The following KLRC4 variants were observed in gnomAD, a reference collection of about 807,000 sequenced individuals.
The protein encoded by KLRC4 is killer cell lectin like receptor C4, also known as NKG2-F type II integral membrane protein.
In KLRC4, 6 loss-of-function variants were observed where a neutral mutation model predicts 14.3. The observed-to-expected ratio is 0.42, with a 90% CI of 0.23 to 0.83. The LOEUF (loss-of-function observed/expected upper bound fraction) is 0.83. KLRC4 is among the 40% of genes least tolerant of loss of function. The pLI is 0.29. For synonymous variants in KLRC4, 53 were observed against 60.5 expected (o/e 0.88, Z 0.57); for missense variants, 158 against 179.4 (o/e 0.88, Z 0.68).
intron 2 of KLRC4, 47 bp from the exon 3 acceptor site, chr12:10,408,429 T>C: frequency 3.3e-6 from 3 of 906,178 alleles, no homozygotes; most frequent in Non-Finnish European, 5.2e-6. Flanking sequence ...CTAGACAAAT[T>C]ATAATAAATT....
At position 10,407,665 on chromosome 12, in the gene KLRC4, G is replaced by C. The variant is rs1310311704; in HGVS notation, c.465C>G (p.Ile155Met). The change falls in exon 4 of 4, where the codon ATC (isoleucine) becomes ATG (methionine). Residue 155 changes from isoleucine (I) to methionine (M), a missense_variant. Physicochemically the swap from Ile to Met is conservative, Grantham distance 10. Coordinates refer to ENST00000309384, the MANE Select transcript of KLRC4 (RefSeq NM_013431.2). ...TCTTCCTCATTATCTATAGAAAGCA[G>C]ATCAGAGTTCTTCGAAGCACAGGCC... ...VCWPVLRRTL[I>M]CFL 1.9e-6 allele frequency: 3 copies of C among 1,613,492 alleles called. No individual in the cohort carries two copies. In the African/African-American group the frequency reaches 4.0e-5, roughly 22 times the overall value.
Position 10,408,856 on chromosome 12 carries a change from C to T in KLRC4, c.286+56G>A, listed in dbSNP as rs80321932. The stretch of plus-strand genomic sequence containing the variant: ...CTCATTATTATGAAATGTTTCAAGG[C>T]GCTTCCAATCATTATAGTGAAAAGT... On this transcript the variant is annotated intron_variant, in intron 2 of 3. Transcript: ENST00000309384. The T allele has an allele frequency of 2.6e-3, 4,190 of 1,600,772 alleles. 89 individuals carry two copies. The African/African-American group carries it at 0.05, about 19-fold the overall frequency.
chr12:10,408,518 AAAT>A (rs1863535587), intron 2 of KLRC4, 136 bp from the exon 3 acceptor site: 2 of 572,246 alleles, frequency 3.5e-6, no homozygotes, highest in East Asian at 3.2e-5. Context: ...TTTTCTATAA[AAAT>A]AATGAGATCT....
intron 2 of KLRC4, 123 bp from the exon 3 acceptor site, chr12:10,408,505 G>T: frequency 1.7e-6 from 1 of 590,310 alleles, no homozygotes; most frequent in Non-Finnish European, 2.9e-6. Flanking sequence ...AAATAAAAAT[G>T]ACTTTTCTAT....
intron 3 of KLRC4, 139 bp downstream of exon 3, chr12:10,408,190 C>A (rs1251709349): frequency 5.0e-6 from 3 of 597,794 alleles, no homozygotes; most frequent in Non-Finnish European, 8.8e-6. Flanking sequence ...GACATGCCCT[C>A]ATATAATCTT....
Position 10,407,424 on chromosome 12 carries a change from A to G in KLRC4, c.*229T>C, listed in dbSNP as rs973801192. The G allele has an allele frequency of 2.2e-5, 10 of 456,672 alleles. No individual in the cohort carries two copies. The highest frequency in any genetic ancestry group is 8.5e-5 in the South Asian group (2 of 23,530). 28.3% of individuals were successfully genotyped at this position (456,672 alleles called of 1,614,324 possible). A position where few individuals can be genotyped will look rare whatever the true frequency, so the allele number is the denominator to read the frequency against. On this transcript the variant is annotated 3_prime_UTR_variant, in exon 4 of 4. Transcript: ENST00000309384. ...TTTATTTTGTGATAAAAACATTTAT[A>G]GAAGCATGGGTTTCCATGAAAAGCA...
chr12:10,409,282 A>T, intron 1 of KLRC4, 107 bp downstream of exon 1: 2 of 1,160,120 alleles, frequency 1.7e-6, no homozygotes, highest in Non-Finnish European at 2.5e-6. Flanking sequence ...CCTGACTTTG[A>T]CCTCTGATTC....
chr12:10,409,314 TA>T (rs3214902), intron 1 of KLRC4, 74 bp downstream of exon 1: 296,206 of 1,433,764 alleles, frequency 0.21, 32,983 homozygotes, highest in Non-Finnish European at 0.23. Context: ...AAATATTCCC[TA>T]ATCTTTCCCC....
In KLRC4 at chr12:10,409,375, ATTTAATGTTTTACCT is replaced by A; in HGVS notation, c.186_187+13del. The A allele has an allele frequency of 6.3e-7, 1 of 1,597,236 alleles. No homozygotes were observed. Among genetic ancestry groups the A allele is most frequent in the Non-Finnish European group, 8.6e-7 (1 of 1,164,832 alleles). ...CCTAGAACAATAATATTGAAGATCT[ATTTAATGTTTTACCT>A]TTGCAGTGATATGTCTTGTCATTCC... is the stretch of plus-strand genomic sequence containing the variant. On this transcript the variant is annotated splice_donor_variant and splice_donor_5th_base_variant and coding_sequence_variant and intron_variant, in exon 1 of 4. Coordinates refer to ENST00000309384, the MANE Select transcript of KLRC4 (RefSeq NM_013431.2). LOFTEE classifies it high-confidence loss of function.
In KLRC4 at chr12:10,409,555, G is replaced by T. The variant is rs1310185281; in HGVS notation, c.21C>A (p.Thr7=). The change falls in exon 1 of 4, where the codon ACC becomes ACA. Residue 7 remains threonine (T), a synonymous_variant. Transcript: ENST00000309384. ...CCTGGGCCAGACTCACTTCTGAGTA[G>T]GTTCCTCTTTGTTTATTCATCTCTG... MNKQRG[T]YSEVSLAQDP... The T allele has an allele frequency of 4.3e-6, 7 of 1,612,656 alleles. No individual in the cohort carries two copies. In the Admixed American group the frequency reaches 1.2e-4, roughly 27 times the overall value.
At position 10,409,562 on chromosome 12, in the gene KLRC4, C is replaced by G. The variant is rs1863553423; in HGVS notation, c.14G>C (p.Arg5Thr). 1 of 1,612,540 alleles carries G rather than the reference C, an allele frequency of 6.2e-7. No homozygotes were observed. The change falls in exon 1 of 4, where the codon AGA becomes ACA. Residue 5 changes from arginine (R) to threonine (T), a missense_variant. Arg to Thr is a moderately conservative substitution (Grantham distance 71). Transcript: ENST00000309384. The stretch of plus-strand genomic sequence containing the variant: ...CAGACTCACTTCTGAGTAGGTTCCT[C>G]TTTGTTTATTCATCTCTGCAGCTGT... MNKQ[R>T]GTYSEVSLAQ...
Position 10,407,804 on chromosome 12 carries a change from G to A in KLRC4, c.341-15C>T, listed in dbSNP as rs953778315. On this transcript the variant is annotated splice_polypyrimidine_tract_variant and intron_variant, in intron 3 of 3. Coordinates refer to ENST00000309384, the MANE Select transcript of KLRC4 (RefSeq NM_013431.2). ...ACAATGACGTGCTAAATAAAAATAT[G>A]AATTACTATGCAAAACAATATGTTT... The A allele has an allele frequency of 4.4e-6, 7 of 1,598,708 alleles. No homozygotes were observed. The highest frequency in any genetic ancestry group is 1.1e-5 in the South Asian group (1 of 87,302).
Position 10,408,905 on chromosome 12 carries a change from T to G in KLRC4, c.286+7A>C. 1 of 1,613,568 alleles carries G rather than the reference T, an allele frequency of 6.2e-7. No individual in the cohort carries two copies. The highest frequency in any genetic ancestry group is 8.5e-7 in the Non-Finnish European group (1 of 1,179,628). On this transcript the variant is annotated splice_region_variant and intron_variant, in intron 2 of 3. Transcript: ENST00000309384. ...GTTCCCTTATAATCTTTCAAGAATATGCTTACAAGGAATAAGAACTATTGT... is the reference window on the plus strand; with the variant it reads ...GTTCCCTTATAATCTTTCAAGAATAGGCTTACAAGGAATAAGAACTATTGT...
chr12:10,408,422 G>T, intron 2 of KLRC4, 40 bp from the exon 3 acceptor site: 1 of 966,320 alleles, frequency 1.0e-6, no homozygotes, highest in Non-Finnish European at 1.6e-6. Context: ...TTAATATCTA[G>T]ACAAATTATA....
chr12:10,407,397 T>C lies in KLRC4; in HGVS notation c.*256A>G, dbSNP rs1863513966. 1 of 378,226 alleles carries C rather than the reference T, an allele frequency of 2.6e-6. No homozygotes were observed. Among genetic ancestry groups the C allele is most frequent in the Non-Finnish European group, 4.7e-6 (1 of 213,940 alleles). 23.4% of individuals were successfully genotyped at this position (378,226 alleles called of 1,614,324 possible). ...ACCATGACATGCTTAGTTTTCTTTATATTTATTTTGTGATAAAAACATTTA... is the reference window on the plus strand; with the variant it reads ...ACCATGACATGCTTAGTTTTCTTTACATTTATTTTGTGATAAAAACATTTA... On this transcript the variant is annotated 3_prime_UTR_variant, in exon 4 of 4. Transcript: ENST00000309384.
Position 10,407,431 on chromosome 12 carries a change from T to G in KLRC4, c.*222A>C. On this transcript the variant is annotated 3_prime_UTR_variant, in exon 4 of 4. Coordinates refer to ENST00000309384, the MANE Select transcript of KLRC4 (RefSeq NM_013431.2). ...TGTGATAAAAACATTTATAGAAGCA[T>G]GGGTTTCCATGAAAAGCAAAACTGG... 2.1e-6 allele frequency: 1 copy of G among 476,824 alleles called. No individual in the cohort carries two copies. Among genetic ancestry groups the G allele is most frequent in the Non-Finnish European group, 3.6e-6 (1 of 277,346 alleles). 29.5% of individuals were successfully genotyped at this position (476,824 alleles called of 1,614,324 possible). A position where few individuals can be genotyped will look rare whatever the true frequency, so the allele number is the denominator to read the frequency against.
Position 10,407,809 on chromosome 12 carries a change from A to C in KLRC4, c.341-20T>G. 6.3e-7 allele frequency: 1 copy of C among 1,596,390 alleles called. No homozygotes were observed. The highest frequency in any genetic ancestry group is 8.5e-7 in the Non-Finnish European group (1 of 1,173,560). ...GACGTGCTAAATAAAAATATGAATT[A>C]CTATGCAAAACAATATGTTTACAAA... is the stretch of plus-strand genomic sequence containing the variant. On this transcript the variant is annotated intron_variant, in intron 3 of 3. Coordinates refer to ENST00000309384, the MANE Select transcript of KLRC4 (RefSeq NM_013431.2).
At chr12:10,409,295 A>G (rs1463151543) in intron 1 of KLRC4, 94 bp downstream of exon 1, 1 of 1,297,234 alleles carries the variant, frequency 7.7e-7, no homozygotes, top group Non-Finnish European at 1.1e-6. Context: ...TCTGATTCTC[A>G]CAAGTGCAAA....
intron 3 of KLRC4, 66 bp downstream of exon 3, chr12:10,408,263 T>C: frequency 1.1e-6 from 1 of 911,176 alleles, no homozygotes; most frequent in Non-Finnish European, 1.8e-6. Context: ...TTATTATCAT[T>C]TTGCATCCCT....
Sources: gnomAD v4.1 joint callset for allele counts on GRCh38, gnomAD v4.1.1 for gene constraint, MANE v1.5 for transcripts, NCBI Gene and HGNC (gene_info 2026-07-23, HGNC 2026-07-21) for gene names.